The following KRTAP19-7 variants were observed in gnomAD, a reference collection of about 807,000 sequenced individuals.
KRTAP19-7 encodes the protein keratin-associated protein 19-7.
For missense variants in KRTAP19-7, 76 were observed against 78.5 expected (o/e 0.97, Z 0.12); for synonymous variants, 38 against 31.6 (o/e 1.20, Z -0.67).
Position 30,560,992 on chromosome 21 carries a change from T to A in KRTAP19-7, c.*106A>T. 1 of 1,148,504 alleles carries A rather than the reference T, an allele frequency of 8.7e-7. No individual in the cohort carries two copies. The highest frequency in any genetic ancestry group is 1.3e-6 in the Non-Finnish European group (1 of 786,120). 71.1% of individuals were successfully genotyped at this position (1,148,504 alleles called of 1,614,324 possible). On this transcript the variant is annotated 3_prime_UTR_variant, in exon 1 of 1. Transcript: ENST00000334849. ...CACACTATTGTCAAAAGGCAGGTGA[T>A]CCAAGCAGCTGTTTTGTTATGGAAT...
In KRTAP19-7 at chr21:30,561,267, T is replaced by C. The variant is rs1042743165; in HGVS notation, c.23A>G (p.Tyr8Cys). MSYSGSY[Y>C]GGLGYGCGGF... ...TCCACAGCCGTAGCCTAGGCCTCCA[T>C]AGTAGCTGCCGGAGTAGCTCATGTT... is the stretch of plus-strand genomic sequence containing the variant. The change falls in exon 1 of 1, where the codon TAT (tyrosine) becomes TGT (cysteine). Residue 8 changes from tyrosine to cysteine, a missense_variant. Physicochemically the swap from Tyr to Cys is radical, Grantham distance 194. Transcript: ENST00000334849. The C allele has an allele frequency of 6.2e-7, 1 of 1,613,894 alleles. No individual in the cohort carries two copies. Among genetic ancestry groups the C allele is most frequent in the Non-Finnish European group, 8.5e-7 (1 of 1,179,948 alleles).
Position 30,561,255 on chromosome 21 carries a change from C to T in KRTAP19-7, c.35G>A (p.Gly12Asp), listed in dbSNP as rs201306778. Residue 12 changes from glycine to aspartate, a missense_variant, in exon 1 of 1, where the codon GGC becomes GAC. Gly to Asp is a moderately conservative substitution (Grantham distance 94). Coordinates refer to ENST00000334849, the MANE Select transcript of KRTAP19-7 (RefSeq NM_181614.3). Reference sequence around the variant, plus strand: ...GCCACCGAATCCTCCACAGCCGTAGCCTAGGCCTCCATAGTAGCTGCCGGA... The same window carrying T: ...GCCACCGAATCCTCCACAGCCGTAGTCTAGGCCTCCATAGTAGCTGCCGGA... Reference protein sequence around the residue: ...SYSGSYYGGLGYGCGGFGGLG... With the variant: ...SYSGSYYGGLDYGCGGFGGLG... 18 of 1,614,096 alleles carry T rather than the reference C, an allele frequency of 1.1e-5. No individual in the cohort carries two copies. In the East Asian group the frequency reaches 2.9e-4, roughly 26 times the overall value.
At position 30,561,146 on chromosome 21, in the gene KRTAP19-7, G is replaced by A; in HGVS notation, c.144C>T (p.Cys48=). 1 of 1,614,074 alleles carries A rather than the reference G, an allele frequency of 6.2e-7. No individual in the cohort carries two copies. Among genetic ancestry groups the A allele is most frequent in the Non-Finnish European group, 8.5e-7 (1 of 1,179,960 alleles). The part of the protein sequence containing the change: ...GCGYGGYRYS[C]CHPSCYGGYW... ...ATCCCCCATAGCATGATGGGTGGCAGCAGCTGTATCTGTAGCCTCCATAGC... is the reference window on the plus strand; with the variant it reads ...ATCCCCCATAGCATGATGGGTGGCAACAGCTGTATCTGTAGCCTCCATAGC... Residue 48 remains cysteine, a synonymous_variant, in exon 1 of 1, where the codon TGC becomes TGT. Transcript: ENST00000334849.
rs769502727 is a variant in KRTAP19-7, at chr21:30,561,299, A to C, written c.-10T>G. On this transcript the variant is annotated 5_prime_UTR_variant, in exon 1 of 1. Coordinates refer to ENST00000334849, the MANE Select transcript of KRTAP19-7 (RefSeq NM_181614.3). ...TGCCGGAGTAGCTCATGTTGTCAGAAGTGGTTAGCTGTTGTAGGTCAGTTT... is the reference window on the plus strand; with the variant it reads ...TGCCGGAGTAGCTCATGTTGTCAGACGTGGTTAGCTGTTGTAGGTCAGTTT... 2 of 1,613,752 alleles carry C rather than the reference A, an allele frequency of 1.2e-6. No homozygotes were observed. The highest frequency in any genetic ancestry group is 1.7e-6 in the Non-Finnish European group (2 of 1,179,812).
chr21:30,561,161 G>A lies in KRTAP19-7; in HGVS notation c.129C>T (p.Gly43=). The A allele has an allele frequency of 1.2e-6, 2 of 1,614,108 alleles. No homozygotes were observed. Among genetic ancestry groups the A allele is most frequent in the East Asian group, 2.2e-5 (1 of 44,856 alleles). Residue 43 remains glycine (G), a synonymous_variant, in exon 1 of 1, where the codon GGC becomes GGT. Transcript: ENST00000334849. The stretch of plus-strand genomic sequence containing the variant: ...ATGGGTGGCAGCAGCTGTATCTGTA[G>A]CCTCCATAGCCACAGCCATAGCCCA... ...RRLGYGCGYG[G]YRYSCCHPSC... is the part of the protein sequence containing the mutation.
In KRTAP19-7 at chr21:30,560,959, G is replaced by C. The variant is rs1480718425; in HGVS notation, c.*139C>G. ...CAAATGCCAATATCTAGTTGATCAA[G>C]TTTTCTTCACACTATTGTCAAAAGG... On this transcript the variant is annotated 3_prime_UTR_variant, in exon 1 of 1. Transcript: ENST00000334849. 4 of 822,364 alleles carry C rather than the reference G, an allele frequency of 4.9e-6. No individual in the cohort carries two copies. In the Admixed American group the frequency reaches 9.6e-5, roughly 20 times the overall value. 50.9% of individuals were successfully genotyped at this position (822,364 alleles called of 1,614,324 possible).
chr21:30,561,219 C>G lies in KRTAP19-7; in HGVS notation c.71G>C (p.Gly24Ala). The change falls in exon 1 of 1, where the codon GGC becomes GCC. Residue 24 changes from glycine (G) to alanine (A), a missense_variant. Physicochemically the swap from Gly to Ala is moderately conservative, Grantham distance 60. Transcript: ENST00000334849. Reference protein sequence around the residue: ...GCGGFGGLGYGYSCGCGSFRR... With the variant: ...GCGGFGGLGYAYSCGCGSFRR... ...GAAGCTGCCACATCCACAGCTATAGCCATAGCCCAGGCCACCGAATCCTCC... is the reference window on the plus strand; with the variant it reads ...GAAGCTGCCACATCCACAGCTATAGGCATAGCCCAGGCCACCGAATCCTCC... The G allele has an allele frequency of 6.2e-7, 1 of 1,614,094 alleles. No homozygotes were observed. The highest frequency in any genetic ancestry group is 8.5e-7 in the Non-Finnish European group (1 of 1,179,994).
At position 30,561,007 on chromosome 21, in the gene KRTAP19-7, T is replaced by C; in HGVS notation, c.*91A>G. 1.5e-6 allele frequency: 2 copies of C among 1,317,122 alleles called. No individual in the cohort carries two copies. Among genetic ancestry groups the C allele is most frequent in the South Asian group, 2.5e-5 (2 of 78,922 alleles). 81.6% of individuals were successfully genotyped at this position (1,317,122 alleles called of 1,614,324 possible). On this transcript the variant is annotated 3_prime_UTR_variant, in exon 1 of 1. Coordinates refer to ENST00000334849, the MANE Select transcript of KRTAP19-7 (RefSeq NM_181614.3). ...AGGCAGGTGATCCAAGCAGCTGTTTTGTTATGGAATATGGAATTCCATATG... is the reference window on the plus strand; with the variant it reads ...AGGCAGGTGATCCAAGCAGCTGTTTCGTTATGGAATATGGAATTCCATATG...
In KRTAP19-7 at chr21:30,560,978, C is replaced by T; in HGVS notation, c.*120G>A. 1 of 991,168 alleles carries T rather than the reference C, an allele frequency of 1.0e-6. No individual in the cohort carries two copies. Among genetic ancestry groups the T allele is most frequent in the Non-Finnish European group, 1.5e-6 (1 of 650,338 alleles). 61.4% of individuals were successfully genotyped at this position (991,168 alleles called of 1,614,324 possible). A position where few individuals can be genotyped will look rare whatever the true frequency, so the allele number is the denominator to read the frequency against. On this transcript the variant is annotated 3_prime_UTR_variant, in exon 1 of 1. Coordinates refer to ENST00000334849, the MANE Select transcript of KRTAP19-7 (RefSeq NM_181614.3). ...GATCAAGTTTTCTTCACACTATTGT[C>T]AAAAGGCAGGTGATCCAAGCAGCTG...
In KRTAP19-7 at chr21:30,561,090, G is replaced by A. The variant is rs780589184; in HGVS notation, c.*8C>T. 7 of 1,612,698 alleles carry A rather than the reference G, an allele frequency of 4.3e-6. No individual in the cohort carries two copies. In the East Asian group the frequency reaches 1.1e-4, roughly 26 times the overall value. On this transcript the variant is annotated 3_prime_UTR_variant, in exon 1 of 1. Transcript: ENST00000334849. ...AATCTCACAGAAGACTATATTTCAA[G>A]TATTTATTCAATAGAATCCAGAAGA... is the stretch of plus-strand genomic sequence containing the variant.
Position 30,561,072 on chromosome 21 carries a change from C to T in KRTAP19-7, c.*26G>A. The T allele has an allele frequency of 6.2e-7, 1 of 1,607,664 alleles. No homozygotes were observed. Among genetic ancestry groups the T allele is most frequent in the South Asian group, 1.1e-5 (1 of 90,764 alleles). On this transcript the variant is annotated 3_prime_UTR_variant, in exon 1 of 1. Transcript: ENST00000334849. ...TTTCTTGGAAGAATTGGGAATCTCA[C>T]AGAAGACTATATTTCAAGTATTTAT...
chr21:30,561,152 G>T, the KRTAP19-7 span: 1 of 1,614,102 alleles, frequency 6.2e-7, no homozygotes, highest in East Asian at 2.2e-5. Flanking sequence ...GGCAGCAGCT[G>T]TATCTGTAGC....
Position 30,561,253 on chromosome 21 carries a change from A to G in KRTAP19-7, c.37T>C (p.Tyr13His). The G allele has an allele frequency of 6.2e-7, 1 of 1,614,124 alleles. No homozygotes were observed. Among genetic ancestry groups the G allele is most frequent in the Non-Finnish European group, 8.5e-7 (1 of 1,179,994 alleles). Reference protein sequence around the residue: ...YSGSYYGGLGYGCGGFGGLGY... With the variant: ...YSGSYYGGLGHGCGGFGGLGY... ...AGGCCACCGAATCCTCCACAGCCGT[A>G]GCCTAGGCCTCCATAGTAGCTGCCG... The change falls in exon 1 of 1, where the codon TAC becomes CAC. Residue 13 changes from tyrosine (Y) to histidine (H), a missense_variant. Transcript: ENST00000334849.
In KRTAP19-7 at chr21:30,561,074, G is replaced by T; in HGVS notation, c.*24C>A. On this transcript the variant is annotated 3_prime_UTR_variant, in exon 1 of 1. Coordinates refer to ENST00000334849, the MANE Select transcript of KRTAP19-7 (RefSeq NM_181614.3). ...TCTTGGAAGAATTGGGAATCTCACA[G>T]AAGACTATATTTCAAGTATTTATTC... The T allele has an allele frequency of 6.2e-7, 1 of 1,608,034 alleles. No individual in the cohort carries two copies. Among genetic ancestry groups the T allele is most frequent in the South Asian group, 1.1e-5 (1 of 90,796 alleles).
At chr21:30,561,157 TG>T in the KRTAP19-7 span, 1 of 1,614,144 alleles carries the variant, frequency 6.2e-7, no homozygotes, top group South Asian at 1.1e-5. Context: ...CAGCTGTATC[TG>T]TAGCCTCCAT....
rs766901406 is a variant in KRTAP19-7 at position 30,561,059 on chromosome 21, A to G, written c.*39T>C. On this transcript the variant is annotated 3_prime_UTR_variant, in exon 1 of 1. Coordinates refer to ENST00000334849, the MANE Select transcript of KRTAP19-7 (RefSeq NM_181614.3). ...TTATGGAATAAAGTTTCTTGGAAGA[A>G]TTGGGAATCTCACAGAAGACTATAT... is the stretch of plus-strand genomic sequence containing the variant. The G allele has an allele frequency of 6.3e-7, 1 of 1,593,716 alleles. No homozygotes were observed. Among genetic ancestry groups the G allele is most frequent in the Non-Finnish European group, 8.6e-7 (1 of 1,164,082 alleles).
Position 30,561,152 on chromosome 21 carries a change from G to A in KRTAP19-7, c.138C>T (p.Tyr46=). 6.2e-7 allele frequency: 1 copy of A among 1,614,102 alleles called. No homozygotes were observed. Among genetic ancestry groups the A allele is most frequent in the African/African-American group, 1.3e-5 (1 of 75,036 alleles). Residue 46 remains tyrosine (Y), a synonymous_variant, in exon 1 of 1, where the codon TAC becomes TAT. Transcript: ENST00000334849. ...GYGCGYGGYR[Y]SCCHPSCYGG... ...CATAGCATGATGGGTGGCAGCAGCTGTATCTGTAGCCTCCATAGCCACAGC... is the reference window on the plus strand; with the variant it reads ...CATAGCATGATGGGTGGCAGCAGCTATATCTGTAGCCTCCATAGCCACAGC...
At position 30,561,081 on chromosome 21, in the gene KRTAP19-7, A is replaced by G. The variant is rs750855902; in HGVS notation, c.*17T>C. ...AGAATTGGGAATCTCACAGAAGACT[A>G]TATTTCAAGTATTTATTCAATAGAA... is the stretch of plus-strand genomic sequence containing the variant. On this transcript the variant is annotated 3_prime_UTR_variant, in exon 1 of 1. Coordinates refer to ENST00000334849, the MANE Select transcript of KRTAP19-7 (RefSeq NM_181614.3). The G allele has an allele frequency of 2.5e-6, 4 of 1,610,742 alleles. No individual in the cohort carries two copies. The highest frequency in any genetic ancestry group is 2.2e-5 in the East Asian group (1 of 44,844).
chr21:30,561,030 A>G lies in KRTAP19-7; in HGVS notation c.*68T>C. On this transcript the variant is annotated 3_prime_UTR_variant, in exon 1 of 1. Coordinates refer to ENST00000334849, the MANE Select transcript of KRTAP19-7 (RefSeq NM_181614.3). ...TTTGTTATGGAATATGGAATTCCAT[A>G]TGGTTATGGAATAAAGTTTCTTGGA... The G allele has an allele frequency of 4.0e-6, 6 of 1,505,142 alleles. No individual in the cohort carries two copies. Among genetic ancestry groups the G allele is most frequent in the Non-Finnish European group, 1.8e-6 (2 of 1,089,808 alleles). 93.2% of individuals were successfully genotyped at this position (1,505,142 alleles called of 1,614,324 possible). A position where few individuals can be genotyped will look rare whatever the true frequency, so the allele number is the denominator to read the frequency against.
Sources: gnomAD v4.1 joint callset for allele counts on GRCh38, gnomAD v4.1.1 for gene constraint, MANE v1.5 for transcripts, NCBI Gene and HGNC (gene_info 2026-07-23, HGNC 2026-07-21) for gene names.